The following SQLE variants were observed in gnomAD, a reference collection of about 807,000 sequenced individuals.
The protein encoded by SQLE is squalene epoxidase.
In SQLE, 29 loss-of-function variants were observed where a neutral mutation model predicts 60.7. That is an observed-to-expected ratio of 0.48 (90% confidence interval 0.36 to 0.65). The LOEUF is 0.65. Among genes scored for constraint, SQLE ranks in the 30% least tolerant of loss-of-function variants. SQLE has a pLI of 0.00. For missense variants in SQLE, 605 were observed against 684.1 expected (o/e 0.88, Z 1.29); for synonymous variants, 237 against 246.8 (o/e 0.96, Z 0.37).
At chr8:125,002,400 GC>G (rs1814869114) in intron 1 of SQLE, among the ~76,000 whole-genome samples, 1 of 152,144 alleles carries the variant, frequency 6.6e-6, no homozygotes, top group African/African-American at 2.4e-5. Flanking sequence ...ATCTAAGGCC[GC>G]ACGCAGTGGC....
chr8:125,006,910 G>A (rs186724488), intron 3 of SQLE, among the ~76,000 whole-genome samples: 2,127 of 151,892 alleles, frequency 0.014, 34 homozygotes, highest in African/African-American at 0.041. Context: ...TCACCATGTT[G>A]GCCAGGATGG....
intron 9 of SQLE, among the ~76,000 whole-genome samples, 162 bp from the exon 10 acceptor site, chr8:125,020,622 T>G (rs373976545): frequency 3.3e-5 from 5 of 152,230 alleles, no homozygotes; most frequent in African/African-American, 9.7e-5. Context: ...TAATGCTGAT[T>G]ATGGAATTCA....
chr8:125,021,946 G>A lies in SQLE; in HGVS notation c.*1G>A. ...AGAAATGAAGTATATGGTTCATTAA[G>A]CTTAAAGGGGAACCATTTGTGAATG... On this transcript the variant is annotated 3_prime_UTR_variant, in exon 11 of 11. Transcript: ENST00000265896. The A allele has an allele frequency of 6.3e-7, 1 of 1,578,088 alleles. No homozygotes were observed. Among genetic ancestry groups the A allele is most frequent in the Non-Finnish European group, 8.6e-7 (1 of 1,160,080 alleles).
intron 3 of SQLE, among the ~76,000 whole-genome samples, chr8:125,007,174 T>TAAATGA (rs1814965750): frequency 1.3e-5 from 2 of 152,192 alleles, no homozygotes; most frequent in Non-Finnish European, 2.9e-5. Flanking sequence ...TTAAAATATT[T>TAAATGA]TTAAAATATT....
At chr8:125,017,447 C>G (rs1377629651) in intron 7 of SQLE, among the ~76,000 whole-genome samples, 3 of 152,040 alleles carry the variant, frequency 2.0e-5, no homozygotes, top group African/African-American at 7.2e-5. Context: ...GGTGTTCACT[C>G]AAGGCTCCAG....
intron 1 of SQLE, among the ~76,000 whole-genome samples, chr8:125,001,502 A>G (rs1261073846): frequency 2.0e-5 from 3 of 150,388 alleles, no homozygotes; most frequent in African/African-American, 7.4e-5. Flanking sequence ...ATAAAACAGG[A>G]AAAACTTATG....
chr8:125,005,774 T>C, intron 3 of SQLE, 69 bp downstream of exon 3: 2 of 1,278,656 alleles, frequency 1.6e-6, no homozygotes, highest in Non-Finnish European at 2.1e-6. Flanking sequence ...TTTGTACAAA[T>C]AAGATTTTAT....
At chr8:125,013,634 T>C (rs12543024) in intron 7 of SQLE, among the ~76,000 whole-genome samples, 58,290 of 151,958 alleles carry the variant, frequency 0.38, 13,185 homozygotes, top group African/African-American at 0.62. Context: ...ATTACAGGCA[T>C]GAGCCACCAT....
At position 125,022,081 on chromosome 8, in the gene SQLE, T is replaced by A. The variant is rs989105016; in HGVS notation, c.*136T>A. On this transcript the variant is annotated 3_prime_UTR_variant, in exon 11 of 11. Transcript: ENST00000265896. ...TCTTGGACCAAGATTTGGATTAATTTGTTTTTGAAGTTTTTTGTATATAAA... is the reference window on the plus strand; with the variant it reads ...TCTTGGACCAAGATTTGGATTAATTAGTTTTTGAAGTTTTTTGTATATAAA... 7.0e-6 allele frequency: 4 copies of A among 572,370 alleles called. No individual in the cohort carries two copies. The African/African-American group carries it at 7.7e-5, about 11-fold the overall frequency. The allele number at this position is 572,370 out of a possible 1,614,324, so 35.5% of individuals were successfully genotyped here.
Position 124,998,871 on chromosome 8 carries a change from A to C in SQLE, c.-533A>C. The C allele has an allele frequency of 2.6e-6, 1 of 382,304 alleles. No homozygotes were observed. Among genetic ancestry groups the C allele is most frequent in the South Asian group, 8.5e-5 (1 of 11,764 alleles). 23.7% of individuals were successfully genotyped at this position (382,304 alleles called of 1,614,324 possible). Reference sequence around the variant, plus strand: ...CGTCCGCGGAAAAAGAAGCCTCTGAACCCGCGCCGGCCCGCAGCCCCCGTG... The same window carrying C: ...CGTCCGCGGAAAAAGAAGCCTCTGACCCCGCGCCGGCCCGCAGCCCCCGTG... On this transcript the variant is annotated 5_prime_UTR_variant, in exon 1 of 11. Coordinates refer to ENST00000265896, the MANE Select transcript of SQLE (RefSeq NM_003129.4).
chr8:125,007,792 T>C (rs1175668092), intron 4 of SQLE, among the ~76,000 whole-genome samples: 1 of 152,240 alleles, frequency 6.6e-6, no homozygotes, highest in African/African-American at 2.4e-5. Context: ...GCCTGTGTTA[T>C]TTATCAAATG....
At chr8:125,006,787 C>G (rs1157984522) in intron 3 of SQLE, among the ~76,000 whole-genome samples, 2 of 151,450 alleles carry the variant, frequency 1.3e-5, no homozygotes, top group African/African-American at 4.9e-5. Context: ...TCACTGCAAC[C>G]TCTGCCTCCC....
In SQLE at chr8:125,005,725, T is replaced by A. The variant is rs1232959077; in HGVS notation, c.725+20T>A. ...GCCCAAGTAAGACCACAGTTTCAAA[T>A]ATATAATTACTAAAGAATCAATGCA... On this transcript the variant is annotated intron_variant, in intron 3 of 10. Transcript: ENST00000265896. The A allele has an allele frequency of 6.6e-7, 1 of 1,514,376 alleles. No homozygotes were observed. Among genetic ancestry groups the A allele is most frequent in the Non-Finnish European group, 8.9e-7 (1 of 1,123,500 alleles). 93.8% of individuals were successfully genotyped at this position (1,514,376 alleles called of 1,614,324 possible). A position where few individuals can be genotyped will look rare whatever the true frequency, so the allele number is the denominator to read the frequency against.
chr8:125,007,366 A>G, intron 3 of SQLE, 25 bp from the exon 4 acceptor site: 1 of 1,480,468 alleles, frequency 6.8e-7, no homozygotes, highest in Non-Finnish European at 9.1e-7. Context: ...GCTGCTTTAG[A>G]AATGTATTTT....
At chr8:125,003,883 TG>T (rs948499048) in intron 2 of SQLE, among the ~76,000 whole-genome samples, 8 of 3,070 alleles carry the variant, frequency 2.6e-3, no homozygotes, top group African/African-American at 0.014. Flanking sequence ...TGTGTGGGGA[TG>T]GGGTGGTGGG....
rs1554588049 is a variant in SQLE at position 125,013,356 on chromosome 8, CT to C, written c.1204+1737del. On this transcript the variant is annotated intron_variant, in intron 7 of 10. Coordinates refer to ENST00000265896, the MANE Select transcript of SQLE (RefSeq NM_003129.4). ...AGATTTACTCCTATGTTTTCTTTTTCTTTTTTTTTTTTTGAGATGGAGTTTC... is the reference window on the plus strand; with the variant it reads ...AGATTTACTCCTATGTTTTCTTTTTCTTTTTTTTTTTTGAGATGGAGTTTC... Among the ~76,000 whole-genome samples, 347 of 136,346 alleles carry C rather than the reference CT, an allele frequency of 2.5e-3. 3 individuals are homozygous for C. The East Asian group carries it at 0.045, about 18-fold the overall frequency. The allele number at this position is 136,346 out of a possible 152,430, so 89.4% of individuals were successfully genotyped here.
intron 4 of SQLE, 90 bp from the exon 5 acceptor site, chr8:125,008,881 C>A: frequency 1.2e-6 from 1 of 864,564 alleles, no homozygotes; most frequent in Non-Finnish European, 1.7e-6. Context: ...GATAATATAT[C>A]TAAATCTCTT....
Position 125,011,589 on chromosome 8 carries a change from C to T in SQLE, c.1161C>T (p.Ser387=). 1.3e-6 allele frequency: 2 copies of T among 1,586,982 alleles called. No homozygotes were observed. The highest frequency in any genetic ancestry group is 1.8e-5 in the Admixed American group (1 of 56,208). The part of the protein sequence containing the change: ...LEATDNSHLR[S]MPASFLPPSS... The stretch of plus-strand genomic sequence containing the variant: ...CCACTGACAATTCTCATCTGAGGTC[C>T]ATGCCAGCAAGCTTCCTTCCTCCTT... Residue 387 remains serine (S), a synonymous_variant, in exon 7 of 11, where the codon TCC becomes TCT. Transcript: ENST00000265896.
chr8:125,013,356 C>CTTTTTCTTTTTTTTTTTTTTTTTTTT (rs71576761), intron 7 of SQLE, among the ~76,000 whole-genome samples: 1 of 136,448 alleles, frequency 7.3e-6, no homozygotes, highest in African/African-American at 2.8e-5. Context: ...TTTTCTTTTT[C>CTTTTTCTTTTTTTTTTTTTTTTTTTT]TTTTTTTTTT....
Sources: gnomAD v4.1 joint callset for allele counts (sites outside exome capture counted in the v4.1 genomes callset) on GRCh38, gnomAD v4.1.1 for gene constraint, MANE v1.5 for transcripts, NCBI Gene and HGNC (gene_info 2026-07-23, HGNC 2026-07-21) for gene names.